The following PTPRS variants were observed in gnomAD, a reference collection of about 807,000 sequenced individuals.
The protein encoded by PTPRS is protein tyrosine phosphatase receptor type S, also known as receptor-type tyrosine-protein phosphatase S.
PTPRS carries 63 observed loss-of-function variants against 215.3 expected under a neutral mutation model. That is an observed-to-expected ratio of 0.29 (90% CI 0.24 to 0.36). The LOEUF (loss-of-function observed/expected upper bound fraction) is 0.36. Ranked by LOEUF, PTPRS falls within the 10% of genes least tolerant of loss-of-function variation. PTPRS has a pLI of 1.00. For missense variants in PTPRS, 2,258 were observed against 2,825.8 expected, an observed-to-expected ratio of 0.80 and a Z score of 4.56; for synonymous variants, 1,404 against 1,191.4, an observed-to-expected ratio of 1.18 and a Z score of -3.68.
intron 26 of PTPRS, among the ~76,000 whole-genome samples, chr19:5,216,035 C>T (rs759873235): frequency 6.6e-6 from 1 of 152,100 alleles, no homozygotes; most frequent in East Asian, 1.9e-4. Flanking sequence ...CTTGGGTGGG[C>T]GACTGACACC....
chr19:5,256,258 C>CA, intron 8 of PTPRS, 139 bp from the exon 9 acceptor site: 9 of 601,938 alleles, frequency 1.5e-5, no homozygotes, highest in South Asian at 1.3e-4. Context: ...TTTCTTTAAA[C>CA]CAAAAAAAAA....
chr19:5,259,581 C>A (rs2045829453), intron 7 of PTPRS, among the ~76,000 whole-genome samples: 1 of 152,150 alleles, frequency 6.6e-6, no homozygotes, highest in Non-Finnish European at 1.5e-5. Context: ...GGATCAAAGT[C>A]CTTATTTTCA....
chr19:5,277,394 G>A (rs1166424080), intron 2 of PTPRS, among the ~76,000 whole-genome samples: 3 of 152,114 alleles, frequency 2.0e-5, no homozygotes, highest in African/African-American at 7.2e-5. Context: ...GGTGGCTCAT[G>A]CCTGTAATCC....
rs1342741192 is a variant in PTPRS at position 5,229,698 on chromosome 19, G to A, written c.2156-14C>T. On this transcript the variant is annotated splice_polypyrimidine_tract_variant and intron_variant, in intron 14 of 37. Transcript: ENST00000262963. ...GCGCGCTGGGCACTGGCGGGCGGGAGGGGAGGGGAGGGGCGGGCGGAGCCG... is the reference window on the plus strand; with the variant it reads ...GCGCGCTGGGCACTGGCGGGCGGGAAGGGAGGGGAGGGGCGGGCGGAGCCG... 12 of 1,218,512 alleles carry A rather than the reference G, an allele frequency of 9.8e-6. No individual in the cohort carries two copies. Among genetic ancestry groups the A allele is most frequent in the African/African-American group, 7.9e-5 (5 of 63,472 alleles). 75.5% of individuals were successfully genotyped at this position (1,218,512 alleles called of 1,614,324 possible).
chr19:5,231,712 AAAG>A lies in PTPRS; in HGVS notation c.1850-100_1850-98del, dbSNP rs1419813935. ...CAAAAGATGGGAAAGAGAAAATAAA[AAAG>A]AAGATGATAACAAACAAAACAGAAC... On this transcript the variant is annotated intron_variant, in intron 13 of 37. Coordinates refer to ENST00000262963, the MANE Select transcript of PTPRS (RefSeq NM_002850.4). 15 of 559,322 alleles carry A rather than the reference AAAG, an allele frequency of 2.7e-5. No individual in the cohort carries two copies. In the Admixed American group the frequency reaches 4.2e-4, roughly 16 times the overall value. 34.6% of individuals were successfully genotyped at this position (559,322 alleles called of 1,614,324 possible). A position where few individuals can be genotyped will look rare whatever the true frequency, so the allele number is the denominator to read the frequency against.
chr19:5,220,905 G>A, intron 20 of PTPRS, 95 bp downstream of exon 20: 1 of 1,424,854 alleles, frequency 7.0e-7, no homozygotes, highest in Non-Finnish European at 9.5e-7. Flanking sequence ...TCATAGGCAA[G>A]GAAATTGAGG....
intron 3 of PTPRS, 116 bp from the exon 4 acceptor site, chr19:5,273,699 G>T: frequency 7.8e-7 from 1 of 1,284,288 alleles, no homozygotes; most frequent in Non-Finnish European, 1.1e-6. Context: ...TGATCCTGGG[G>T]GTGACTGGGA....
chr19:5,240,370 C>G (rs188754359), intron 11 of PTPRS, 38 bp from the exon 12 acceptor site: 1 of 1,538,352 alleles, frequency 6.5e-7, no homozygotes, highest in Admixed American at 2.0e-5. Context: ...AGTCGGGGAG[C>G]GTCCACCCCA....
Position 5,210,012 on chromosome 19 carries a change from G to C in PTPRS, c.5487+457C>G, listed in dbSNP as rs1421099178. Among the ~76,000 whole-genome samples the C allele has an allele frequency of 6.6e-6, 1 of 151,994 alleles. No homozygotes were observed. Among genetic ancestry groups the C allele is most frequent in the Admixed American group, 6.6e-5 (1 of 15,264 alleles). ...TTCATCTGTTGCCACCTAATACCTG[G>C]CCTTTCTCCCTCCACCTGACACTGC... On this transcript the variant is annotated intron_variant, in intron 35 of 37. Coordinates refer to ENST00000262963, the MANE Select transcript of PTPRS (RefSeq NM_002850.4). This position sits in a 1 kb window ranked among gnomAD's most constrained non-coding sequence, Gnocchi z 4.5.
intron 1 of PTPRS, among the ~76,000 whole-genome samples, chr19:5,316,915 G>C (rs748450350): frequency 2.0e-5 from 3 of 152,192 alleles, no homozygotes; most frequent in Non-Finnish European, 4.4e-5. Context: ...CGGGGACCTG[G>C]CTTCTCCCAC....
Position 5,305,721 on chromosome 19 carries a change from C to A in PTPRS, c.-94-19487G>T, listed in dbSNP as rs539667426. Among the ~76,000 whole-genome samples the A allele has an allele frequency of 1.8e-4, 23 of 130,536 alleles. 1 individual carries two copies. Among genetic ancestry groups the A allele is most frequent in the Non-Finnish European group, 1.7e-5 (1 of 60,210 alleles). 85.6% of individuals were successfully genotyped at this position (130,536 alleles called of 152,430 possible). ...TCCAGCCTGGGTGACAGAGGGAGAC[C>A]CCGTCTCTGAAAAATAAATAAATAA... On this transcript the variant is annotated intron_variant, in intron 1 of 37. Transcript: ENST00000262963.
rs1475035175 is a variant in PTPRS, at chr19:5,221,249, T to C, written c.3206A>G (p.Gln1069Arg). Residue 1069 changes from glutamine (Q) to arginine (R), a missense_variant, in exon 20 of 38, where the codon CAG becomes CGG. Physicochemically the swap from Gln to Arg is conservative, Grantham distance 43 (BLOSUM62 1). This residue lies in a region of PTPRS where 927 missense variants were observed against 1,125.9 expected (regional missense o/e 0.82). Transcript: ENST00000262963. ...CACATCCAGTGTGAGCCCATTGTAC[T>C]GGATCTGCGGACCAGGGCTAGCTCA... ...NYNSPTPYKI[Q>R]YNGLTLDVDG... is the part of the protein sequence containing the mutation. 1 of 1,611,812 alleles carries C rather than the reference T, an allele frequency of 6.2e-7. No individual in the cohort carries two copies. Among genetic ancestry groups the C allele is most frequent in the Non-Finnish European group, 8.5e-7 (1 of 1,178,542 alleles).
In PTPRS at chr19:5,206,509, G is replaced by A. The variant is rs930605192; in HGVS notation, c.*265C>T. ...TCACCATCCCCCCACCCCCCACCCC[G>A]GAATCTGGTTTTGGAATTGGAAGGA... On this transcript the variant is annotated 3_prime_UTR_variant, in exon 38 of 38. Coordinates refer to ENST00000262963, the MANE Select transcript of PTPRS (RefSeq NM_002850.4). The A allele has an allele frequency of 3.7e-5, 13 of 354,844 alleles. No individual in the cohort carries two copies. The highest frequency in any genetic ancestry group is 7.7e-5 in the South Asian group (2 of 26,078). 22.0% of individuals were successfully genotyped at this position (354,844 alleles called of 1,614,324 possible). A position where few individuals can be genotyped will look rare whatever the true frequency, so the allele number is the denominator to read the frequency against.
At chr19:5,232,354 A>G (rs1313658719) in intron 13 of PTPRS, among the ~76,000 whole-genome samples, 2 of 150,730 alleles carry the variant, frequency 1.3e-5, no homozygotes, top group Non-Finnish European at 3.0e-5. Context: ...GCCAGGCACC[A>G]TACCAAGGGG....
At position 5,239,034 on chromosome 19, in the gene PTPRS, G is replaced by C; in HGVS notation, c.1734C>G (p.Ser578=). ...EVGRTFDPTT[S]YVVEDLKPNT... ...TGGGCTTCAGGTCCTCCACCACGTA[G>C]GAAGTCGTCGGGTCGAAGGTCCTTC... Residue 578 remains serine (S), a synonymous_variant, in exon 13 of 38, where the codon TCC becomes TCG. Transcript: ENST00000262963. The C allele has an allele frequency of 6.2e-7, 1 of 1,613,516 alleles. No individual in the cohort carries two copies. The highest frequency in any genetic ancestry group is 8.5e-7 in the Non-Finnish European group (1 of 1,179,806).
At chr19:5,313,022 C>T (rs530948428) in intron 1 of PTPRS, among the ~76,000 whole-genome samples, 302 of 152,338 alleles carry the variant, frequency 2.0e-3, no homozygotes, top group Middle Eastern at 6.8e-3. Context: ...TCAAGCGATT[C>T]TCCTGCCTCA....
chr19:5,233,832 G>C (rs1475870332), intron 13 of PTPRS, among the ~76,000 whole-genome samples: 1 of 150,524 alleles, frequency 6.6e-6, no homozygotes, highest in Non-Finnish European at 1.5e-5. Context: ...TGTAATCCCA[G>C]CTACTCGGGA....
chr19:5,211,379 A>C lies in PTPRS; in HGVS notation c.5234+211T>G, dbSNP rs553355754. Among the ~76,000 whole-genome samples, 7 of 152,350 alleles carry C rather than the reference A, an allele frequency of 4.6e-5. No homozygotes were observed. In the East Asian group the frequency reaches 1.3e-3, roughly 29 times the overall value. On this transcript the variant is annotated intron_variant, in intron 33 of 37. Transcript: ENST00000262963. ...GAGAACCACTGATAGAACAGATGGA[A>C]TCACATTATGGACAGCAGCCATCAG... is the stretch of plus-strand genomic sequence containing the variant.
At chr19:5,220,559 G>A (rs1447076973) in intron 20 of PTPRS, among the ~76,000 whole-genome samples, 2 of 152,212 alleles carry the variant, frequency 1.3e-5, no homozygotes, top group Non-Finnish European at 2.9e-5. Context: ...CTGCGTAGAA[G>A]GCTTACTTCA....
Sources: gnomAD v4.1 joint callset for allele counts (sites outside exome capture counted in the v4.1 genomes callset) on GRCh38, gnomAD v4.1.1 for gene constraint, gnomAD v4.1.1 regional missense constraint, Gnocchi (gnomAD v3.1) non-coding constraint, MANE v1.5 for transcripts, NCBI Gene and HGNC (gene_info 2026-07-23, HGNC 2026-07-21) for gene names.